Variants in MAP4K5 observed in about 807,000 individuals in gnomAD.
The protein encoded by MAP4K5 is MAPK/ERK kinase kinase kinase 5.
In MAP4K5, 82 loss-of-function variants were observed where a neutral mutation model predicts 135.6. The observed-to-expected ratio is 0.60, with a 90% CI of 0.51 to 0.73. The LOEUF (loss-of-function observed/expected upper bound fraction) is 0.73. MAP4K5 is among the 30% of genes least tolerant of loss of function. MAP4K5 has a pLI of 0.00. For synonymous variants in MAP4K5, 347 were observed against 335.0 expected, an observed-to-expected ratio of 1.04 and a Z score of -0.39; for missense variants, 907 against 1,010.9, an observed-to-expected ratio of 0.90 and a Z score of 1.39.
At chr14:50,445,249 C>G in intron 17 of MAP4K5, 55 bp from the exon 18 acceptor site, 1 of 1,544,204 alleles carries the variant, frequency 6.5e-7, no homozygotes, top group Admixed American at 1.9e-5. Context: ...GCATCAGAGT[C>G]TTTAGGGAAA....
intron 1 of MAP4K5, chr14:50,558,973 G>A (rs1040548705): frequency 1.2e-4 from 19 of 152,282 alleles, no homozygotes; most frequent in Admixed American, 5.9e-4. Flanking sequence ...GCAGTGGTGG[G>A]GGAGTTTGTT....
chr14:50,509,167 G>A (rs1460607022), intron 2 of MAP4K5, among the ~76,000 whole-genome samples: 2 of 151,206 alleles, frequency 1.3e-5, no homozygotes, highest in East Asian at 3.9e-4. Context: ...TCACTCATAG[G>A]TGGGAATTGA....
chr14:50,508,025 G>A (rs2037849652), intron 2 of MAP4K5, among the ~76,000 whole-genome samples: 1 of 152,018 alleles, frequency 6.6e-6, no homozygotes, highest in South Asian at 2.1e-4. Flanking sequence ...CATGAATCTG[G>A]GTGTTCTGTA....
intron 2 of MAP4K5, among the ~76,000 whole-genome samples, chr14:50,541,682 C>A (rs191179491): frequency 2.6e-5 from 4 of 152,088 alleles, no homozygotes; most frequent in Non-Finnish European, 4.4e-5. Flanking sequence ...CTCTTGCAAC[C>A]CCAGTAGGAG....
At chr14:50,507,814 T>C (rs1423259358) in intron 2 of MAP4K5, among the ~76,000 whole-genome samples, 1 of 152,204 alleles carries the variant, frequency 6.6e-6, no homozygotes, top group Non-Finnish European at 1.5e-5. Flanking sequence ...CTCAGAAGAA[T>C]GTATATTCTG....
intron 1 of MAP4K5, among the ~76,000 whole-genome samples, chr14:50,545,365 T>C (rs2038617836): frequency 6.6e-6 from 1 of 152,176 alleles, no homozygotes. Context: ...GCTTTTCTTA[T>C]AACAATTGGC....
intron 2 of MAP4K5, among the ~76,000 whole-genome samples, chr14:50,509,494 G>A (rs1033884330): frequency 2.6e-5 from 4 of 151,856 alleles, no homozygotes; most frequent in Admixed American, 6.6e-5. Flanking sequence ...AAATTTCTCC[G>A]TGATAATTTT....
At chr14:50,506,437 C>T (rs1349892639) in intron 2 of MAP4K5, among the ~76,000 whole-genome samples, 1 of 152,184 alleles carries the variant, frequency 6.6e-6, no homozygotes, top group Non-Finnish European at 1.5e-5. Context: ...CGGCTCACTG[C>T]AGCCTCTGCC....
intron 11 of MAP4K5, among the ~76,000 whole-genome samples, chr14:50,464,736 T>G (rs2036792882): frequency 6.6e-6 from 1 of 152,132 alleles, no homozygotes; most frequent in Non-Finnish European, 1.5e-5. Context: ...CTGGAGAGAA[T>G]GGACAAGAAC....
chr14:50,466,547 GTAAAATTCTA>G (rs1566659458), intron 11 of MAP4K5, 26 bp downstream of exon 11: 1 of 1,075,312 alleles, frequency 9.3e-7, no homozygotes, highest in Non-Finnish European at 1.4e-6. Context: ...CCTTTCGATT[GTAAAATTCTA>G]TAAAACTATA....
At chr14:50,512,133 A>G (rs182181286) in intron 2 of MAP4K5, among the ~76,000 whole-genome samples, 92 of 152,276 alleles carry the variant, frequency 6.0e-4, no homozygotes, top group African/African-American at 2.0e-3. Context: ...ACAAAACTAT[A>G]CAGGAATTCA....
At chr14:50,508,097 T>C (rs2037851248) in intron 2 of MAP4K5, among the ~76,000 whole-genome samples, 1 of 152,336 alleles carries the variant, frequency 6.6e-6, no homozygotes, top group East Asian at 1.9e-4. Context: ...TTTACCATTA[T>C]GTAATGCCCT....
At chr14:50,475,718 A>G (rs1437590887) in intron 8 of MAP4K5, among the ~76,000 whole-genome samples, 3 of 152,234 alleles carry the variant, frequency 2.0e-5, no homozygotes, top group Non-Finnish European at 2.9e-5. Context: ...CAAAACAAAC[A>G]AAATAACACA....
chr14:50,450,037 G>T (rs4290401), intron 14 of MAP4K5: 10,607 of 152,296 alleles, frequency 0.07, 543 homozygotes, highest in Middle Eastern at 0.12. Context: ...CGCCTCCAGA[G>T]TTCAAGCTAT....
At chr14:50,434,886 G>T in intron 27 of MAP4K5, 76 bp downstream of exon 27, 1 of 817,186 alleles carries the variant, frequency 1.2e-6, no homozygotes. Context: ...TAGTAGTATT[G>T]GGATCTGCTA....
chr14:50,533,188 G>A (rs1251957162), upstream of MAP4K5: 1 of 152,270 alleles, frequency 6.6e-6, no homozygotes, highest in Non-Finnish European at 1.5e-5. Context: ...CTTTGTCCCT[G>A]TTGGGCACAC....
chr14:50,429,135 T>A lies in MAP4K5; in HGVS notation c.2233+57A>T, dbSNP rs1254804583. 5 of 931,742 alleles carry A rather than the reference T, an allele frequency of 5.4e-6. No homozygotes were observed. In the East Asian group the frequency reaches 8.4e-5, roughly 16 times the overall value. The allele number at this position is 931,742 out of a possible 1,614,324, so 57.7% of individuals were successfully genotyped here. ...AATCTTGAATTATGGTTTAACAGAATAAAAAAATTGCTTTATCAAGTAGTA... is the reference window on the plus strand; with the variant it reads ...AATCTTGAATTATGGTTTAACAGAAAAAAAAAATTGCTTTATCAAGTAGTA... On this transcript the variant is annotated intron_variant, in intron 29 of 32. Transcript: ENST00000682126.
At chr14:50,434,352 G>A (rs1022950737) in intron 28 of MAP4K5, 42 bp downstream of exon 28, 5 of 1,501,420 alleles carry the variant, frequency 3.3e-6, no homozygotes, top group Non-Finnish European at 4.5e-6. Flanking sequence ...TCTTTTATAG[G>A]CAAAAATATC....
intron 3 of MAP4K5, 131 bp from the exon 4 acceptor site, chr14:50,486,325 C>A: frequency 2.1e-6 from 1 of 481,358 alleles, no homozygotes; most frequent in Non-Finnish European, 3.7e-6. Context: ...AAAATGTAAA[C>A]TGGTAGAATC....
Sources: allele counts gnomAD v4.1 joint callset (sites outside exome capture counted in the v4.1 genomes callset), GRCh38; gene constraint gnomAD v4.1.1; transcripts MANE v1.5; gene names NCBI Gene and HGNC (gene_info 2026-07-23, HGNC 2026-07-21).